Variants in BTN3A3 observed in about 807,000 individuals in gnomAD.
BTN3A3 encodes butyrophilin subfamily 3 member A3.
BTN3A3 carries 39 observed loss-of-function variants against 43.2 expected under a neutral mutation model. The observed-to-expected ratio is 0.90, with a 90% CI of 0.70 to 1.18. The LOEUF is 1.18. BTN3A3 is among the 50% of genes most tolerant of loss of function. BTN3A3 has a pLI of 0.00. For synonymous variants in BTN3A3, 255 were observed against 272.7 expected, an observed-to-expected ratio of 0.93 and a Z score of 0.64; for missense variants, 631 against 722.8, an observed-to-expected ratio of 0.87 and a Z score of 1.46.
At chr6:26,451,451 G>C (rs146025389) in intron 10 of BTN3A3, among the ~76,000 whole-genome samples, 32 of 152,192 alleles carry the variant, frequency 2.1e-4, no homozygotes, top group African/African-American at 7.7e-4. Flanking sequence ...GCAGCATCAG[G>C]GTATTGGGTT....
intron 1 of BTN3A3, 175 bp downstream of exon 1, chr6:26,440,823 T>C (rs1762610149): frequency 6.7e-6 from 1 of 150,276 alleles, no homozygotes; most frequent in South Asian, 2.1e-4. Flanking sequence ...TGTGCGTGTG[T>C]GCGCATGGGC....
At chr6:26,441,261 AC>A (rs1762627900) in intron 1 of BTN3A3, among the ~76,000 whole-genome samples, 1 of 152,204 alleles carries the variant, frequency 6.6e-6, no homozygotes, top group Non-Finnish European at 1.5e-5. Context: ...TTAGATCCAT[AC>A]ATTAAACCTT....
At position 26,453,117 on chromosome 6, in the gene BTN3A3, C is replaced by T. The variant is rs1243083669; in HGVS notation, c.*706C>T. ...CAGCCAGAGCCAGCCTTCCTTCAAT[C>T]AAGGTTTCCAGGCAGAGCAAATACC... On this transcript the variant is annotated 3_prime_UTR_variant, in exon 11 of 11. Transcript: ENST00000244519. The T allele has an allele frequency of 1.3e-5, 2 of 152,208 alleles. No individual in the cohort carries two copies. Among genetic ancestry groups the T allele is most frequent in the African/African-American group, 2.4e-5 (1 of 41,436 alleles). The allele number at this position is 152,208 out of a possible 1,614,324, so 9.4% of individuals were successfully genotyped here.
intron 5 of BTN3A3, among the ~76,000 whole-genome samples, chr6:26,447,175 T>C (rs555929426): frequency 6.6e-6 from 1 of 152,288 alleles, no homozygotes; most frequent in African/African-American, 2.4e-5. Flanking sequence ...TATGGAAAGA[T>C]CTCCAAGACA....
Position 26,450,145 on chromosome 6 carries a change from A to G in BTN3A3, c.1018+12A>G. ...CCTCTTCAAACCTGGTGAGTAAATC[A>G]CTGTATGTTCCCTGGATCAACAACC... On this transcript the variant is annotated intron_variant, in intron 10 of 10. Transcript: ENST00000244519. The G allele has an allele frequency of 1.9e-6, 3 of 1,612,342 alleles. No individual in the cohort carries two copies. The highest frequency in any genetic ancestry group is 2.5e-6 in the Non-Finnish European group (3 of 1,178,464).
At chr6:26,450,503 C>T (rs1306542047) in intron 10 of BTN3A3, among the ~76,000 whole-genome samples, 1 of 152,172 alleles carries the variant, frequency 6.6e-6, no homozygotes, top group Non-Finnish European at 1.5e-5. Context: ...GCTTCTCATG[C>T]CCCCTACTGC....
At position 26,445,973 on chromosome 6, in the gene BTN3A3, A is replaced by G. The variant is rs749586779; in HGVS notation, c.703A>G (p.Ile235Val). 8.1e-6 allele frequency: 13 copies of G among 1,614,198 alleles called. No homozygotes were observed. The highest frequency in any genetic ancestry group is 2.7e-5 in the African/African-American group (2 of 75,044). Residue 235 changes from isoleucine to valine, a missense_variant, in exon 5 of 11, where the codon ATA becomes GTA. Physicochemically the swap from Ile to Val is conservative, Grantham distance 29. Coordinates refer to ENST00000244519, the MANE Select transcript of BTN3A3 (RefSeq NM_006994.5). ...CCTCGGCCTGGAAAAGACAGCCAGC[A>G]TATCCATCGCAGGTCAGTACCCTGC... is the stretch of plus-strand genomic sequence containing the variant. ...SLLGLEKTAS[I>V]SIADPFFRSA...
intron 5 of BTN3A3, among the ~76,000 whole-genome samples, chr6:26,448,026 C>A (rs190606593): frequency 1.3e-5 from 2 of 152,122 alleles, no homozygotes; most frequent in Non-Finnish European, 2.9e-5. Context: ...AATTTCCATA[C>A]GAGAGGCAGA....
chr6:26,451,309 A>C (rs1762923113), intron 10 of BTN3A3, among the ~76,000 whole-genome samples: 1 of 152,182 alleles, frequency 6.6e-6, no homozygotes, highest in South Asian at 2.1e-4. Flanking sequence ...AGAAAAGGGG[A>C]GCTCATTTAG....
intron 5 of BTN3A3, among the ~76,000 whole-genome samples, chr6:26,447,939 G>T (rs971843624): frequency 6.6e-6 from 1 of 152,136 alleles, no homozygotes; most frequent in Non-Finnish European, 1.5e-5. Context: ...TTATGTACAT[G>T]AAGTTTTTGA....
At chr6:26,449,730 C>T (rs779908953) in intron 9 of BTN3A3, 42 bp downstream of exon 9, 1 of 1,610,974 alleles carries the variant, frequency 6.2e-7, no homozygotes, top group African/African-American at 1.3e-5. Context: ...GGGTCATGTA[C>T]AATGAACATT....
In BTN3A3 at chr6:26,448,322, G is replaced by C; in HGVS notation, c.790G>C (p.Ala264Pro). 6.2e-7 allele frequency: 1 copy of C among 1,613,646 alleles called. No homozygotes were observed. ...CCTGCCTATCTCGTTGCTGCTTCTCGCAGGAGCCAGTTACTTCTTGTGGAG... is the reference window on the plus strand; with the variant it reads ...CCTGCCTATCTCGTTGCTGCTTCTCCCAGGAGCCAGTTACTTCTTGTGGAG... Reference protein sequence around the residue: ...GTLPISLLLLAGASYFLWRQQ... With the variant: ...GTLPISLLLLPGASYFLWRQQ... Residue 264 changes from alanine (A) to proline (P), a missense_variant, in exon 6 of 11, where the codon GCA becomes CCA. Around this residue, in one of 2 missense-constraint regions of BTN3A3, gnomAD observed 551 missense variants for 584.0 expected, o/e 0.94. Coordinates refer to ENST00000244519, the MANE Select transcript of BTN3A3 (RefSeq NM_006994.5).
Position 26,444,220 on chromosome 6 carries a change from A to G in BTN3A3, c.349A>G (p.Thr117Ala). 11 of 1,612,080 alleles carry G rather than the reference A, an allele frequency of 6.8e-6. No individual in the cohort carries two copies. The highest frequency in any genetic ancestry group is 8.5e-6 in the Non-Finnish European group (10 of 1,179,874). Residue 117 changes from threonine to alanine, a missense_variant, in exon 4 of 11, where the codon ACA becomes GCA. Thr to Ala is a moderately conservative substitution (Grantham distance 58). Around this residue, in one of 2 missense-constraint regions of BTN3A3, gnomAD observed 551 missense variants for 584.0 expected, o/e 0.94. Coordinates refer to ENST00000244519, the MANE Select transcript of BTN3A3 (RefSeq NM_006994.5). The stretch of plus-strand genomic sequence containing the variant: ...GGCTGCTCTCCGAATACACAACGTC[A>G]CAGCCTCTGACAGTGGAAAGTACTT... ...GKAALRIHNV[T>A]ASDSGKYLCY...
chr6:26,444,698 C>G (rs1204744503), intron 4 of BTN3A3: 1 of 329,548 alleles, frequency 3.0e-6, no homozygotes, highest in East Asian at 7.1e-5. Flanking sequence ...GTGACTGTAT[C>G]TGCTGCCAGT....
In BTN3A3 at chr6:26,452,150, T is replaced by A. The variant is rs1024227510; in HGVS notation, c.1494T>A (p.Val498=). The A allele has an allele frequency of 3.7e-6, 6 of 1,614,024 alleles. No individual in the cohort carries two copies. Among genetic ancestry groups the A allele is most frequent in the Admixed American group, 1.7e-5 (1 of 59,988 alleles). The change falls in exon 11 of 11, where the codon GTT becomes GTA. Residue 498 remains valine (V), a synonymous_variant. Transcript: ENST00000244519. The stretch of plus-strand genomic sequence containing the variant: ...CTTTCTCTGAGCCTCTATATCCTGT[T>A]TTCAGAATTTTGACCTTGGAGCCCA... The part of the protein sequence containing the change: ...HASFSEPLYP[V]FRILTLEPTA...
chr6:26,444,174 G>T lies in BTN3A3; in HGVS notation c.303G>T (p.Arg101=), dbSNP rs1369464090. The change falls in exon 4 of 11, where the codon CGG becomes CGT. Residue 101 remains arginine, a synonymous_variant. Transcript: ENST00000244519. ...APYRGRTSIL[R]DGITAGKAAL... Reference sequence around the variant, plus strand: ...ATCGAGGGAGAACTTCGATTCTGCGGGATGGCATCACTGCAGGGAAGGCTG... The same window carrying T: ...ATCGAGGGAGAACTTCGATTCTGCGTGATGGCATCACTGCAGGGAAGGCTG... 3 of 1,612,052 alleles carry T rather than the reference G, an allele frequency of 1.9e-6. No individual in the cohort carries two copies. The Admixed American group carries it at 5.0e-5, about 27-fold the overall frequency.
chr6:26,442,069 G>A (rs988452093), intron 1 of BTN3A3, among the ~76,000 whole-genome samples: 3 of 152,186 alleles, frequency 2.0e-5, no homozygotes, highest in Non-Finnish European at 1.5e-5. Flanking sequence ...AGGCGAGGGT[G>A]GAGGATGGCC....
At chr6:26,442,780 T>G (rs1359854762) in intron 1 of BTN3A3, among the ~76,000 whole-genome samples, 1 of 152,230 alleles carries the variant, frequency 6.6e-6, no homozygotes, top group East Asian at 1.9e-4. Context: ...TGGACCCAAT[T>G]GTGCACATTC....
chr6:26,450,471 C>G (rs1762899576), intron 10 of BTN3A3, among the ~76,000 whole-genome samples: 1 of 152,162 alleles, frequency 6.6e-6, no homozygotes, highest in African/African-American at 2.4e-5. Context: ...GATGCCTGCC[C>G]AAAGAACTTT....
Sources: gnomAD v4.1 joint callset for allele counts (sites outside exome capture counted in the v4.1 genomes callset) on GRCh38, gnomAD v4.1.1 for gene constraint, gnomAD v4.1.1 regional missense constraint, MANE v1.5 for transcripts, NCBI Gene and HGNC (gene_info 2026-07-23, HGNC 2026-07-21) for gene names.